Variants in SOS2 observed in about 807,000 individuals in gnomAD.
The protein encoded by SOS2 is SOS Ras/Rho guanine nucleotide exchange factor 2, also known as son of sevenless homolog 2.
SOS2 carries 65 observed loss-of-function variants against 148.2 expected under a neutral mutation model. The observed-to-expected ratio is 0.44, with a 90% CI of 0.36 to 0.54. The LOEUF is 0.54. Ranked by LOEUF, SOS2 falls within the 20% of genes least tolerant of loss-of-function variation. The pLI is 0.00. For synonymous variants in SOS2, 539 were observed against 537.1 expected (o/e 1.00, Z -0.05); for missense variants, 1,341 against 1,590.2 (o/e 0.84, Z 2.67).
At chr14:50,134,292 T>A (rs562350416) in intron 18 of SOS2, 53 bp from the exon 19 acceptor site, 2 of 841,512 alleles carry the variant, frequency 2.4e-6, no homozygotes, top group African/African-American at 3.5e-5. Flanking sequence ...ATATTTTAGA[T>A]CTTATTAAAA....
chr14:50,150,144 T>G lies in SOS2; in HGVS notation c.2248A>C (p.Ile750Leu), dbSNP rs1422413434. The G allele has an allele frequency of 6.2e-7, 1 of 1,613,202 alleles. No homozygotes were observed. Among genetic ancestry groups the G allele is most frequent in the Non-Finnish European group, 8.5e-7 (1 of 1,179,252 alleles). The change falls in exon 14 of 23, where the codon ATT becomes CTT. Residue 750 changes from isoleucine to leucine, a missense_variant. Physicochemically the swap from Ile to Leu is conservative, Grantham distance 5. This residue lies in a region of SOS2 where 408 missense variants were observed against 506.6 expected (regional missense o/e 0.81). Transcript: ENST00000216373. ...QAQANGVSHN[I>L]TFESPPPPIE... is the part of the protein sequence containing the mutation. ...GGTGGAGGTGGACTTTCAAAGGTAA[T>G]ATTATGGCTTACTCCGTTTGCCTGA...
chr14:50,146,506 C>T (rs141707508), intron 14 of SOS2, among the ~76,000 whole-genome samples: 17 of 151,962 alleles, frequency 1.1e-4, no homozygotes, highest in South Asian at 4.2e-4. Context: ...ATTAGCCGGG[C>T]GTAGTAGTGC....
intron 1 of SOS2, among the ~76,000 whole-genome samples, chr14:50,205,359 C>T (rs574428091): frequency 4.8e-4 from 73 of 152,226 alleles, no homozygotes; most frequent in Non-Finnish European, 9.1e-4. Flanking sequence ...CCTGCTTTAA[C>T]TTTTTATGCC....
chr14:50,219,702 T>A (rs544396598), intron 1 of SOS2, among the ~76,000 whole-genome samples: 7 of 152,322 alleles, frequency 4.6e-5, no homozygotes, highest in Middle Eastern at 6.8e-3. Flanking sequence ...TTATATCAAT[T>A]ACATCCCAGT....
At chr14:50,154,165 A>G (rs764878420) in intron 12 of SOS2, among the ~76,000 whole-genome samples, 19 of 152,158 alleles carry the variant, frequency 1.2e-4, no homozygotes, top group Non-Finnish European at 2.4e-4. Flanking sequence ...CATGGAAAGA[A>G]AATATTTGCA....
chr14:50,224,242 G>A (rs1430355893), intron 1 of SOS2, among the ~76,000 whole-genome samples: 2 of 148,364 alleles, frequency 1.3e-5, no homozygotes, highest in Non-Finnish European at 3.0e-5. Flanking sequence ...AGTGAGCCAA[G>A]ATCGCACCAC....
chr14:50,200,572 C>A (rs894202855), intron 3 of SOS2, among the ~76,000 whole-genome samples: 5 of 148,026 alleles, frequency 3.4e-5, no homozygotes, highest in African/African-American at 5.0e-5. Flanking sequence ...ATGGGCCAGG[C>A]CTGATGGCTC....
At position 50,130,508 on chromosome 14, in the gene SOS2, G is replaced by T. The variant is rs370277292; in HGVS notation, c.3330C>A (p.Ser1110Arg). The T allele has an allele frequency of 6.2e-7, 1 of 1,613,452 alleles. No homozygotes were observed. The highest frequency in any genetic ancestry group is 8.5e-7 in the Non-Finnish European group (1 of 1,179,552). Residue 1110 changes from serine to arginine, a missense_variant, in exon 20 of 23, where the codon AGC (serine) becomes AGA (arginine). Transcript: ENST00000216373. ...TTTACATCAAATACTTACCACAGGA[G>T]CTGTTGAGATCCACATCTAAAAATA... ...LSVFLDVDLN[S>R]SCGSNSIFAP...
chr14:50,121,091 A>G (rs1418389619), intron 21 of SOS2, among the ~76,000 whole-genome samples: 1 of 152,100 alleles, frequency 6.6e-6, no homozygotes, highest in Admixed American at 6.6e-5. Flanking sequence ...CACAGGTAAT[A>G]AAACCCTCCA....
chr14:50,118,957 C>A (rs796931270), intron 22 of SOS2, 104 bp from the exon 23 acceptor site: 1 of 629,208 alleles, frequency 1.6e-6, no homozygotes, highest in Non-Finnish European at 2.5e-6. Flanking sequence ...TTCAGAGGCT[C>A]AAAATAAACT....
chr14:50,179,048 T>C (rs1400852465), intron 7 of SOS2, among the ~76,000 whole-genome samples: 1 of 151,904 alleles, frequency 6.6e-6, no homozygotes, highest in Non-Finnish European at 1.5e-5. Context: ...CCTTCAGGTA[T>C]ACAGGAACCA....
At chr14:50,227,134 T>C (rs1887401636) in intron 1 of SOS2, among the ~76,000 whole-genome samples, 1 of 152,220 alleles carries the variant, frequency 6.6e-6, no homozygotes, top group African/African-American at 2.4e-5. Context: ...GAGGTTCTAT[T>C]TTAAAAGTTT....
intron 1 of SOS2, among the ~76,000 whole-genome samples, chr14:50,213,615 G>C (rs1043201998): frequency 2.6e-5 from 4 of 151,992 alleles, no homozygotes; most frequent in African/African-American, 4.8e-5. Context: ...AGGTTGAGGT[G>C]AGTGGAGATT....
rs773967821 is a variant in SOS2 at position 50,201,105 on chromosome 14, C to T, written c.214-21G>A. ...CGCTCCTGCTCAATCACAGCAGAAC[C>T]ATTGTAGTATTAATAAAAGTGTTCA... On this transcript the variant is annotated intron_variant, in intron 2 of 22. Transcript: ENST00000216373. The T allele has an allele frequency of 9.3e-6, 15 of 1,609,440 alleles. No individual in the cohort carries two copies. In the South Asian group the frequency reaches 1.7e-4, roughly 18 times the overall value.
chr14:50,135,642 CTTTT>C (rs56043962), intron 18 of SOS2, among the ~76,000 whole-genome samples: 6 of 82,566 alleles, frequency 7.3e-5, no homozygotes, highest in Non-Finnish European at 4.4e-5. Flanking sequence ...ATGTGGTTTG[CTTTT>C]TTTTTTTTTT....
At chr14:50,205,661 G>T (rs1486720720) in intron 1 of SOS2, among the ~76,000 whole-genome samples, 1 of 152,156 alleles carries the variant, frequency 6.6e-6, no homozygotes, top group African/African-American at 2.4e-5. Flanking sequence ...CATAGGCACG[G>T]TGGCTAACAC....
chr14:50,182,481 A>G lies in SOS2; in HGVS notation c.840T>C (p.Cys280=), dbSNP rs747798443. The stretch of plus-strand genomic sequence containing the variant: ...AACTTACTTCTGCCAAATCTTCAAA[A>G]CAGCTGCCAGCTAAGGGATGAGGAC... The part of the protein sequence containing the change: ...ESSPHPLAGS[C]FEDLAEEQAF... Residue 280 remains cysteine, a synonymous_variant, in exon 6 of 23, where the codon TGT becomes TGC. Transcript: ENST00000216373. 6.2e-7 allele frequency: 1 copy of G among 1,614,036 alleles called. No homozygotes were observed. Among genetic ancestry groups the G allele is most frequent in the East Asian group, 2.2e-5 (1 of 44,878 alleles).
At chr14:50,157,813 C>T (rs887300648) in intron 11 of SOS2, among the ~76,000 whole-genome samples, 16 of 152,082 alleles carry the variant, frequency 1.1e-4, no homozygotes. Flanking sequence ...AAAAATCATT[C>T]TGGAGTCCAG....
At position 50,218,044 on chromosome 14, in the gene SOS2, T is replaced by C. The variant is rs1012412203; in HGVS notation, c.87+13153A>G. Among the ~76,000 whole-genome samples the C allele has an allele frequency of 7.3e-5, 11 of 150,958 alleles. No individual in the cohort carries two copies. The East Asian group carries it at 1.9e-3, about 27-fold the overall frequency. ...CAGGTGCAGTGGCTTATGCCTGTAGTCCCAGAACTTTGGGAGGCTGAGGCA... is the reference window on the plus strand; with the variant it reads ...CAGGTGCAGTGGCTTATGCCTGTAGCCCCAGAACTTTGGGAGGCTGAGGCA... On this transcript the variant is annotated intron_variant, in intron 1 of 22. Coordinates refer to ENST00000216373, the MANE Select transcript of SOS2 (RefSeq NM_006939.4).
Sources: allele counts gnomAD v4.1 joint callset (sites outside exome capture counted in the v4.1 genomes callset), GRCh38; gene constraint gnomAD v4.1.1; regional missense constraint gnomAD v4.1.1; transcripts MANE v1.5; gene names NCBI Gene and HGNC (gene_info 2026-07-23, HGNC 2026-07-21).